Variants in LRP1B observed in about 807,000 individuals in gnomAD.
LRP1B encodes the protein low-density lipoprotein receptor-related protein 1B.
LRP1B carries 217 observed loss-of-function variants against 556.6 expected under a neutral mutation model. The ratio of observed to expected loss-of-function variants is 0.39; its 90% confidence interval spans 0.35 to 0.44. LRP1B has a LOEUF of 0.44. LRP1B is among the 20% of genes least tolerant of loss of function. LRP1B has a pLI of 1.00. For missense variants in LRP1B, 5,053 were observed against 5,620.8 expected, an observed-to-expected ratio of 0.90 and a Z score of 3.23; for synonymous variants, 2,047 against 1,865.8, an observed-to-expected ratio of 1.10 and a Z score of -2.50.
At chr2:141,802,513 G>T (rs1368323843) in intron 2 of LRP1B, among the ~76,000 whole-genome samples, 2 of 151,936 alleles carry the variant, frequency 1.3e-5, no homozygotes, top group Non-Finnish European at 2.9e-5. Context: ...CTTCAACAGG[G>T]CCAATATAGC....
At position 141,815,302 on chromosome 2, in the gene LRP1B, G is replaced by A. The variant is rs376713101; in HGVS notation, c.83-4901C>T. On this transcript the variant is annotated intron_variant, in intron 1 of 90. Coordinates refer to ENST00000389484, the MANE Select transcript of LRP1B (RefSeq NM_018557.3). ...GTTTTCTCAAGGAACTGAGAAGCAG[G>A]ATTAGTTTTAGAAATTTGAAGAAGG... 8.5e-5 allele frequency among the ~76,000 whole-genome samples: 13 copies of A among 152,306 alleles called. 1 individual carries two copies. The highest frequency in any genetic ancestry group is 5.9e-4 in the Admixed American group (9 of 15,294).
intron 3 of LRP1B, among the ~76,000 whole-genome samples, chr2:141,452,337 C>A (rs1322164998): frequency 2.0e-5 from 3 of 152,094 alleles, no homozygotes; most frequent in African/African-American, 7.2e-5. Flanking sequence ...ATGACTGATA[C>A]AATGCTGAAT....
chr2:140,695,592 A>G (rs1047176740), intron 41 of LRP1B, among the ~76,000 whole-genome samples: 1 of 152,136 alleles, frequency 6.6e-6, no homozygotes, highest in Non-Finnish European at 1.5e-5. Flanking sequence ...AGAAAAGTCT[A>G]TCTTGCTTTT....
chr2:140,828,222 A>G (rs1691577167), intron 31 of LRP1B, among the ~76,000 whole-genome samples: 2 of 152,218 alleles, frequency 1.3e-5, no homozygotes, highest in Admixed American at 6.5e-5. Context: ...ACAAATTCAT[A>G]ATACTCCAAA....
intron 59 of LRP1B, among the ~76,000 whole-genome samples, chr2:140,476,649 T>G (rs953998629): frequency 6.6e-6 from 1 of 152,020 alleles, no homozygotes; most frequent in African/African-American, 2.4e-5. Flanking sequence ...TGCATAAAGG[T>G]ATGGCTTATA....
intron 50 of LRP1B, among the ~76,000 whole-genome samples, chr2:140,515,115 T>C (rs1443779600): frequency 6.6e-6 from 1 of 152,050 alleles, no homozygotes; most frequent in African/African-American, 2.4e-5. Flanking sequence ...TCTGGTATAG[T>C]CTAGTCATAC....
rs116657549 is a variant in LRP1B, at chr2:141,409,748, C to A, written c.343+70648G>T. Among the ~76,000 whole-genome samples the A allele has an allele frequency of 3.2e-3, 483 of 151,972 alleles. 2 individuals are homozygous for A. The highest frequency in any genetic ancestry group is 0.011 in the African/African-American group (453 of 41,462). On this transcript the variant is annotated intron_variant, in intron 3 of 90. Coordinates refer to ENST00000389484, the MANE Select transcript of LRP1B (RefSeq NM_018557.3). ...AGATAGTAATAAGGCCATAAAAAAT[C>A]TCAATTATATGATTAAAAATAATTA...
chr2:140,347,118 C>CT (rs1681724801), intron 77 of LRP1B, among the ~76,000 whole-genome samples: 1 of 151,856 alleles, frequency 6.6e-6, no homozygotes, highest in South Asian at 2.1e-4. Flanking sequence ...CCCTCATATA[C>CT]TTTTTTGTAT....
At chr2:142,018,576 A>G (rs535625379) in intron 1 of LRP1B, among the ~76,000 whole-genome samples, 4 of 152,230 alleles carry the variant, frequency 2.6e-5, no homozygotes, top group South Asian at 2.1e-4. Context: ...CATATTTACC[A>G]TAGCTTTCTG....
At chr2:140,582,846 C>A (rs1479303908) in intron 43 of LRP1B, among the ~76,000 whole-genome samples, 1 of 152,116 alleles carries the variant, frequency 6.6e-6, no homozygotes, top group Non-Finnish European at 1.5e-5. Flanking sequence ...ATTCAGTTAA[C>A]AAGCCCTTTA....
chr2:141,638,777 A>C lies in LRP1B; in HGVS notation c.206-158244T>G, dbSNP rs1212914513. On this transcript the variant is annotated intron_variant, in intron 2 of 90. Coordinates refer to ENST00000389484, the MANE Select transcript of LRP1B (RefSeq NM_018557.3). Reference sequence around the variant, plus strand: ...AAAACAAAGTTTAGTTAAGAATGGCATGGTATTAGTACTGGGTACATGAAA... The same window carrying C: ...AAAACAAAGTTTAGTTAAGAATGGCCTGGTATTAGTACTGGGTACATGAAA... Among the ~76,000 whole-genome samples the C allele has an allele frequency of 1.9e-5, 2 of 105,212 alleles. 1 individual carries two copies. Among genetic ancestry groups the C allele is most frequent in the East Asian group, 4.7e-4 (2 of 4,232 alleles). 69.0% of individuals were successfully genotyped at this position (105,212 alleles called of 152,430 possible).
Position 141,423,690 on chromosome 2 carries a change from G to T in LRP1B, c.343+56706C>A, listed in dbSNP as rs546775385. Among the ~76,000 whole-genome samples the T allele has an allele frequency of 1.1e-4, 16 of 152,208 alleles. No homozygotes were observed. In the South Asian group the frequency reaches 3.1e-3, roughly 30 times the overall value. Reference sequence around the variant, plus strand: ...ACCCCCAGAACTCACTGTGCCTGTAGTAGATTAAAACTTTCAGAATGTGTG... The same window carrying T: ...ACCCCCAGAACTCACTGTGCCTGTATTAGATTAAAACTTTCAGAATGTGTG... On this transcript the variant is annotated intron_variant, in intron 3 of 90. Coordinates refer to ENST00000389484, the MANE Select transcript of LRP1B (RefSeq NM_018557.3).
intron 1 of LRP1B, among the ~76,000 whole-genome samples, chr2:141,935,835 G>T (rs962021984): frequency 1.3e-5 from 2 of 152,156 alleles, no homozygotes; most frequent in African/African-American, 4.8e-5. Context: ...CTATTTGAAA[G>T]ACAGCTATCT....
At chr2:140,685,270 GT>G (rs1686008702) in intron 41 of LRP1B, among the ~76,000 whole-genome samples, 1 of 152,142 alleles carries the variant, frequency 6.6e-6, no homozygotes, top group Non-Finnish European at 1.5e-5. Flanking sequence ...GTTATGAATA[GT>G]TTTCAGAAAA....
chr2:141,423,866 A>G (rs1680247408), intron 3 of LRP1B, among the ~76,000 whole-genome samples: 1 of 151,936 alleles, frequency 6.6e-6, no homozygotes, highest in African/African-American at 2.4e-5. Context: ...GTTTAGTTAT[A>G]AATATATAAA....
At position 140,429,614 on chromosome 2, in the gene LRP1B, G is replaced by A. The variant is rs560113973; in HGVS notation, c.10414+12890C>T. On this transcript the variant is annotated intron_variant, in intron 66 of 90. Transcript: ENST00000389484. Reference sequence around the variant, plus strand: ...CACACGTGCTCTCCCTGCTGATCGTGTTTGACTAATCTCCCAAACCTCAAT... The same window carrying A: ...CACACGTGCTCTCCCTGCTGATCGTATTTGACTAATCTCCCAAACCTCAAT... 2.0e-4 allele frequency among the ~76,000 whole-genome samples: 30 copies of A among 152,236 alleles called. 1 individual carries two copies. In the South Asian group the frequency reaches 6.0e-3, roughly 30 times the overall value.
intron 2 of LRP1B, among the ~76,000 whole-genome samples, chr2:141,774,047 G>A (rs2105621827): frequency 6.6e-6 from 1 of 152,286 alleles, no homozygotes; most frequent in East Asian, 1.9e-4. Context: ...ATTTTATCAT[G>A]CATCTCTTTT....
At chr2:141,952,599 G>C (rs893634634) in intron 1 of LRP1B, among the ~76,000 whole-genome samples, 2 of 152,082 alleles carry the variant, frequency 1.3e-5, no homozygotes, top group Admixed American at 6.6e-5. Context: ...GAGGCTTTAG[G>C]AGACACACAT....
At chr2:140,254,296 A>ATATGCT (rs1439113657) in intron 86 of LRP1B, among the ~76,000 whole-genome samples, 2 of 152,186 alleles carry the variant, frequency 1.3e-5, no homozygotes, top group Non-Finnish European at 2.9e-5. Flanking sequence ...AGGTGTTATT[A>ATATGCT]CAAGGTTTTG....
Sources: gnomAD v4.1 joint callset for allele counts (sites outside exome capture counted in the v4.1 genomes callset) on GRCh38, gnomAD v4.1.1 for gene constraint, MANE v1.5 for transcripts, NCBI Gene and HGNC (gene_info 2026-07-23, HGNC 2026-07-21) for gene names.